Variants in MSRA observed in about 807,000 individuals in gnomAD.
MSRA encodes the protein methionine sulfoxide reductase A.
In MSRA, 54 loss-of-function variants were observed where a neutral mutation model predicts 31.3. The ratio of observed to expected loss-of-function variants is 1.73; its 90% CI spans 1.39 to 2.17. MSRA has a LOEUF of 2.17. Among genes scored for constraint, MSRA ranks in the 30% most tolerant of loss-of-function variants. The pLI, the probability that MSRA is intolerant of heterozygous loss-of-function variation, is 0.00. For synonymous variants in MSRA, 169 were observed against 116.5 expected (o/e 1.45, Z -2.90); for missense variants, 507 against 300.9 (o/e 1.69, Z -5.07).
At chr8:10,381,741 A>G (rs747697272) in intron 5 of MSRA, among the ~76,000 whole-genome samples, 11 of 152,190 alleles carry the variant, frequency 7.2e-5, no homozygotes, top group Admixed American at 1.3e-4. Flanking sequence ...TGACAGTGCT[A>G]AAGCAGAATC....
intron 1 of MSRA, among the ~76,000 whole-genome samples, chr8:10,152,753 C>G (rs1180490312): frequency 1.3e-5 from 2 of 152,158 alleles, no homozygotes; most frequent in African/African-American, 4.8e-5. Flanking sequence ...CACAATAGCT[C>G]CACGTGCCCG....
chr8:10,082,305 A>G (rs1320169968), intron 1 of MSRA, among the ~76,000 whole-genome samples: 1 of 152,140 alleles, frequency 6.6e-6, no homozygotes, highest in East Asian at 1.9e-4. Context: ...AGACTGGGGA[A>G]GGAGTGATGG....
chr8:10,412,241 C>T (rs1395743430), intron 5 of MSRA, among the ~76,000 whole-genome samples: 2 of 152,162 alleles, frequency 1.3e-5, no homozygotes, highest in African/African-American at 2.4e-5. Flanking sequence ...TGCAGCTAGT[C>T]GTTCTTAAGT....
chr8:10,055,236 G>C (rs574299674), intron 1 of MSRA, among the ~76,000 whole-genome samples: 1 of 152,344 alleles, frequency 6.6e-6, no homozygotes, highest in South Asian at 2.1e-4. Flanking sequence ...AGGGGCTGCC[G>C]TATGCTGGGT....
chr8:10,084,310 C>T (rs1337288054), intron 1 of MSRA, among the ~76,000 whole-genome samples: 3 of 152,242 alleles, frequency 2.0e-5, no homozygotes, highest in Non-Finnish European at 2.9e-5. Context: ...GGCAGGGGCC[C>T]AGCTCCTGCT....
chr8:10,306,688 A>G (rs952419494), intron 4 of MSRA, among the ~76,000 whole-genome samples: 3 of 152,150 alleles, frequency 2.0e-5, no homozygotes, highest in Admixed American at 6.5e-5. Flanking sequence ...GCTGGTCTGT[A>G]TCCTCCTAAC....
chr8:10,080,781 C>G (rs1585105429), intron 1 of MSRA, among the ~76,000 whole-genome samples: 1 of 151,510 alleles, frequency 6.6e-6, no homozygotes, highest in African/African-American at 2.4e-5. Context: ...TCAAGCGATC[C>G]TCCTGCCTCG....
intron 4 of MSRA, among the ~76,000 whole-genome samples, chr8:10,302,289 A>G (rs566896667): frequency 6.6e-6 from 1 of 152,384 alleles, no homozygotes; most frequent in Admixed American, 6.5e-5. Context: ...AATATTCAAT[A>G]ATGAAGCAAT....
intron 4 of MSRA, among the ~76,000 whole-genome samples, chr8:10,302,365 A>G (rs1268613342): frequency 6.6e-6 from 1 of 152,258 alleles, no homozygotes; most frequent in South Asian, 2.1e-4. Flanking sequence ...GATATTATGC[A>G]GCTTATGAAC....
intron 3 of MSRA, among the ~76,000 whole-genome samples, chr8:10,288,193 T>C (rs1220135617): frequency 1.3e-5 from 2 of 152,230 alleles, no homozygotes; most frequent in Non-Finnish European, 2.9e-5. Context: ...AAAATTATAG[T>C]CGCCCTAAGC....
At chr8:10,275,580 A>G (rs549585267) in intron 3 of MSRA, among the ~76,000 whole-genome samples, 6 of 152,340 alleles carry the variant, frequency 3.9e-5, no homozygotes, top group African/African-American at 1.2e-4. Context: ...GCTTGAAGTA[A>G]TTGGAACAGT....
chr8:10,294,023 G>C (rs554802267), intron 3 of MSRA, among the ~76,000 whole-genome samples: 1 of 152,150 alleles, frequency 6.6e-6, no homozygotes, highest in South Asian at 2.1e-4. Flanking sequence ...GGCCAACATG[G>C]CGAAACCCCA....
At chr8:10,399,238 A>AT (rs1236528972) in intron 5 of MSRA, among the ~76,000 whole-genome samples, 2 of 152,238 alleles carry the variant, frequency 1.3e-5, no homozygotes, top group Non-Finnish European at 2.9e-5. Context: ...GACAATGTCT[A>AT]GGGGGAGAAA....
chr8:10,261,174 TATTTA>T (rs1023059174), intron 3 of MSRA, among the ~76,000 whole-genome samples: 1 of 152,226 alleles, frequency 6.6e-6, no homozygotes, highest in Non-Finnish European at 1.5e-5. Flanking sequence ...ATTACCTTTT[TATTTA>T]TGGTAAAAAT....
intron 5 of MSRA, among the ~76,000 whole-genome samples, chr8:10,421,242 G>T (rs964053062): frequency 6.6e-6 from 1 of 152,172 alleles, no homozygotes; most frequent in Non-Finnish European, 1.5e-5. Flanking sequence ...CTGACCGGTG[G>T]CTGTGGTCAT....
chr8:10,235,343 T>G (rs1448437781), intron 2 of MSRA, among the ~76,000 whole-genome samples: 2 of 152,114 alleles, frequency 1.3e-5, no homozygotes, highest in Non-Finnish European at 2.9e-5. Flanking sequence ...AAATGGAAAT[T>G]ACATCAGAAG....
intron 4 of MSRA, among the ~76,000 whole-genome samples, chr8:10,307,060 A>G (rs1414780459): frequency 6.6e-6 from 1 of 152,098 alleles, no homozygotes; most frequent in African/African-American, 2.4e-5. Context: ...GCTTAATGTT[A>G]GTGGCGGTAT....
chr8:10,428,361 A>G lies in MSRA; in HGVS notation c.*49A>G, dbSNP rs376761686. 1 of 1,585,774 alleles carries G rather than the reference A, an allele frequency of 6.3e-7. No individual in the cohort carries two copies. Among genetic ancestry groups the G allele is most frequent in the East Asian group, 2.2e-5 (1 of 44,696 alleles). On this transcript the variant is annotated 3_prime_UTR_variant, in exon 6 of 6. Coordinates refer to ENST00000317173, the MANE Select transcript of MSRA (RefSeq NM_012331.5). ...TGAGGTTCCAGTAAAAATGCTTTCA[A>G]CAAATTGGGCAATGCTTGTGTGATT...
intron 1 of MSRA, among the ~76,000 whole-genome samples, chr8:10,193,330 G>C (rs1807686879): frequency 1.3e-5 from 2 of 152,206 alleles, no homozygotes; most frequent in Admixed American, 1.3e-4. Flanking sequence ...GAGAGACACT[G>C]CGCAGGCTCC....
Sources: gnomAD v4.1 joint callset for allele counts (sites outside exome capture counted in the v4.1 genomes callset) on GRCh38, gnomAD v4.1.1 for gene constraint, MANE v1.5 for transcripts, NCBI Gene and HGNC (gene_info 2026-07-23, HGNC 2026-07-21) for gene names.